PTPRT: variants seen among roughly 807,000 people sequenced by gnomAD.
The protein encoded by PTPRT is protein tyrosine phosphatase receptor type T.
A neutral mutation model predicts 176.8 loss-of-function variants in PTPRT; 56 were observed. The observed-to-expected ratio is 0.32, with a 90% CI of 0.26 to 0.40. The LOEUF (loss-of-function observed/expected upper bound fraction) is 0.40, where lower values mean the gene tolerates loss of function less well. Among genes scored for constraint, PTPRT ranks in the 10% least tolerant of loss-of-function variants. PTPRT has a pLI of 1.00. For missense variants in PTPRT, 1,540 were observed against 1,908.2 expected (o/e 0.81, Z 3.60); for synonymous variants, 783 against 739.0 (o/e 1.06, Z -0.96).
chr20:42,694,055 T>TTTTTC (rs2075833660), intron 6 of PTPRT, among the ~76,000 whole-genome samples: 1 of 142,640 alleles, frequency 7.0e-6, no homozygotes, highest in Admixed American at 7.2e-5. Context: ...TTTTTTTTTT[T>TTTTTC]TGAGCCAGAG....
At chr20:42,732,664 G>A (rs1299109848) in intron 6 of PTPRT, among the ~76,000 whole-genome samples, 2 of 152,174 alleles carry the variant, frequency 1.3e-5, no homozygotes, top group African/African-American at 4.8e-5. Context: ...GGTTTGGCAA[G>A]TTTCTTGTTG....
intron 15 of PTPRT, among the ~76,000 whole-genome samples, chr20:42,220,274 G>A (rs2055856988): frequency 1.3e-5 from 2 of 152,280 alleles, no homozygotes; most frequent in South Asian, 2.1e-4. Context: ...ATGTTCCTAA[G>A]CTGGAAGACT....
rs147422822 is a variant in PTPRT, at chr20:42,443,028, G to A, written c.1560+5192C>T. 2.6e-3 allele frequency among the ~76,000 whole-genome samples: 400 copies of A among 152,236 alleles called. 5 individuals carry two copies. The highest frequency in any genetic ancestry group is 4.7e-3 in the Non-Finnish European group (319 of 68,022). On this transcript the variant is annotated intron_variant, in intron 9 of 30. Transcript: ENST00000373187. The stretch of plus-strand genomic sequence containing the variant: ...ATGCCTTAATCAAACCCAAAAGCAG[G>A]GTTCTGGAAGAGTCTATGCAGATGT...
chr20:42,496,439 G>C (rs1162679519), intron 7 of PTPRT, among the ~76,000 whole-genome samples: 2 of 152,126 alleles, frequency 1.3e-5, no homozygotes, highest in African/African-American at 4.8e-5. Flanking sequence ...TTGAATAATT[G>C]GAACCGTTCT....
chr20:42,327,672 A>G (rs1228676954), intron 11 of PTPRT, among the ~76,000 whole-genome samples: 1 of 152,150 alleles, frequency 6.6e-6, no homozygotes, highest in Non-Finnish European at 1.5e-5. Context: ...GTGGATGGTT[A>G]TTGTCTCATT....
At chr20:43,178,647 G>T (rs540810217) in intron 1 of PTPRT, among the ~76,000 whole-genome samples, 14 of 152,286 alleles carry the variant, frequency 9.2e-5, no homozygotes, top group African/African-American at 3.4e-4. Context: ...AGCAGAACAA[G>T]TTCCTTGACC....
At chr20:42,328,079 A>G (rs947422798) in intron 11 of PTPRT, among the ~76,000 whole-genome samples, 3 of 152,128 alleles carry the variant, frequency 2.0e-5, no homozygotes, top group Admixed American at 2.0e-4. Flanking sequence ...GAAAATAGGA[A>G]CTTACCTTAT....
chr20:42,299,150 A>T lies in PTPRT; in HGVS notation c.2139+16573T>A, dbSNP rs142190670. On this transcript the variant is annotated intron_variant, in intron 12 of 30. Coordinates refer to ENST00000373187, the MANE Select transcript of PTPRT (RefSeq NM_007050.6). Reference sequence around the variant, plus strand: ...GGGGATGGTAGAGGTGATGTAAAAGAAGTGATATGTGCTTTTCTGTATGCA... The same window carrying T: ...GGGGATGGTAGAGGTGATGTAAAAGTAGTGATATGTGCTTTTCTGTATGCA... Among the ~76,000 whole-genome samples, 891 of 152,220 alleles carry T rather than the reference A, an allele frequency of 5.9e-3. 5 individuals are homozygous for T. Among genetic ancestry groups the T allele is most frequent in the African/African-American group, 0.021 (865 of 41,516 alleles).
Position 42,987,271 on chromosome 20 carries a change from C to T in PTPRT, c.89-101339G>A, listed in dbSNP as rs192172627. ...CACTGCCCTAGAGGGTGCCTACTGG[C>T]CACATGAGGCTACTTGAATTTAAAT... On this transcript the variant is annotated intron_variant, in intron 1 of 30. Coordinates refer to ENST00000373187, the MANE Select transcript of PTPRT (RefSeq NM_007050.6). 4.6e-3 allele frequency among the ~76,000 whole-genome samples: 702 copies of T among 152,280 alleles called. 5 individuals are homozygous for T. The highest frequency in any genetic ancestry group is 0.016 in the African/African-American group (667 of 41,546).
intron 7 of PTPRT, among the ~76,000 whole-genome samples, chr20:42,497,535 A>C (rs2071676582): frequency 6.6e-6 from 1 of 152,042 alleles, no homozygotes; most frequent in Admixed American, 6.6e-5. Flanking sequence ...CTCCTGCCTC[A>C]GACTTCCAAG....
At chr20:42,149,510 G>A (rs1467337215) in intron 17 of PTPRT, among the ~76,000 whole-genome samples, 1 of 151,186 alleles carries the variant, frequency 6.6e-6, no homozygotes, top group Non-Finnish European at 1.5e-5. Flanking sequence ...CGCAACGTCT[G>A]CCTCCTGGGT....
intron 1 of PTPRT, among the ~76,000 whole-genome samples, chr20:43,097,516 T>C (rs2012218977): frequency 6.6e-6 from 1 of 152,200 alleles, no homozygotes. Context: ...CTTAGAATGA[T>C]ACTGTGATAA....
chr20:42,226,080 A>C, intron 15 of PTPRT, among the ~76,000 whole-genome samples: 1 of 152,184 alleles, frequency 6.6e-6, no homozygotes, highest in Non-Finnish European at 1.5e-5. Context: ...TTATGTCTTC[A>C]CTGCTCCTCT....
At chr20:43,123,814 T>G (rs1016039947) in intron 1 of PTPRT, among the ~76,000 whole-genome samples, 11 of 152,220 alleles carry the variant, frequency 7.2e-5, no homozygotes, top group African/African-American at 2.7e-4. Context: ...CCTTCCTCTT[T>G]TGTAGTATAT....
intron 12 of PTPRT, among the ~76,000 whole-genome samples, chr20:42,290,462 T>A (rs527938427): frequency 6.6e-6 from 1 of 151,970 alleles, no homozygotes; most frequent in Non-Finnish European, 1.5e-5. Flanking sequence ...AATTTCCCCA[T>A]CAATCAAATG....
At chr20:42,891,582 A>T (rs1235127412) in intron 1 of PTPRT, among the ~76,000 whole-genome samples, 4 of 152,232 alleles carry the variant, frequency 2.6e-5, no homozygotes, top group African/African-American at 9.6e-5. Flanking sequence ...AAGCATAAAT[A>T]AAGTTTATAG....
intron 6 of PTPRT, among the ~76,000 whole-genome samples, chr20:42,741,563 C>T (rs913450602): frequency 6.6e-6 from 1 of 152,066 alleles, no homozygotes; most frequent in Non-Finnish European, 1.5e-5. Flanking sequence ...CCAGGCTGGT[C>T]TCGAACTCCT....
chr20:43,037,835 C>T (rs1425426854), intron 1 of PTPRT, among the ~76,000 whole-genome samples: 1 of 152,160 alleles, frequency 6.6e-6, no homozygotes, highest in Non-Finnish European at 1.5e-5. Context: ...TTCCAGAACT[C>T]CCTTGTGCAA....
chr20:42,432,478 A>G (rs889476723), intron 9 of PTPRT, among the ~76,000 whole-genome samples: 1 of 152,236 alleles, frequency 6.6e-6, no homozygotes, highest in African/African-American at 2.4e-5. Context: ...GAGAAACCTG[A>G]AAACCGGAAT....
Sources: gnomAD v4.1 joint callset for allele counts (sites outside exome capture counted in the v4.1 genomes callset) on GRCh38, gnomAD v4.1.1 for gene constraint, MANE v1.5 for transcripts, NCBI Gene and HGNC (gene_info 2026-07-23, HGNC 2026-07-21) for gene names.